The following LOXL4 variants were observed in gnomAD, a reference collection of about 807,000 sequenced individuals.
LOXL4 encodes lysyl oxidase homolog 4.
A neutral mutation model predicts 89.1 loss-of-function variants in LOXL4; 72 were observed. The observed-to-expected ratio is 0.81, with a 90% CI of 0.67 to 0.98. The LOEUF (loss-of-function observed/expected upper bound fraction) is 0.98. Among genes scored for constraint, LOXL4 ranks in the 50% least tolerant of loss-of-function variants. The pLI, the probability that LOXL4 is intolerant of heterozygous loss-of-function variation, is 0.00. For synonymous variants in LOXL4, 355 were observed against 392.1 expected, an observed-to-expected ratio of 0.91 and a Z score of 1.12; for missense variants, 984 against 1,017.5, an observed-to-expected ratio of 0.97 and a Z score of 0.45.
intron 11 of LOXL4, 45 bp from the exon 12 acceptor site, chr10:98,252,513 G>T: frequency 7.2e-7 from 1 of 1,382,328 alleles, no homozygotes; most frequent in Non-Finnish European, 1.0e-6. Flanking sequence ...ACAGGAGAGG[G>T]TCCTCTCTGG....
At chr10:98,265,100 T>C (rs1251095319) in intron 1 of LOXL4, among the ~76,000 whole-genome samples, 2 of 152,160 alleles carry the variant, frequency 1.3e-5, no homozygotes, top group African/African-American at 4.8e-5. Context: ...GGTGTGTAGG[T>C]GGCACTCATT....
At chr10:98,252,008 C>T (rs1358550562) in intron 12 of LOXL4, 2 of 483,732 alleles carry the variant, frequency 4.1e-6, no homozygotes, top group African/African-American at 3.9e-5. Context: ...TCAGTGTTTA[C>T]CATGCAGTTC....
chr10:98,266,712 T>C (rs1858695937), intron 1 of LOXL4, among the ~76,000 whole-genome samples: 1 of 151,900 alleles, frequency 6.6e-6, no homozygotes. Context: ...ATAGCCTTCG[T>C]CTCCCAGCCT....
At chr10:98,255,789 C>T (rs1053125088) in intron 9 of LOXL4, 50 bp from the exon 10 acceptor site, 23 of 1,578,196 alleles carry the variant, frequency 1.5e-5, no homozygotes, top group Non-Finnish European at 1.9e-5. Flanking sequence ...GGAGTCACCT[C>T]CTGACTCCCA....
chr10:98,259,173 C>G lies in LOXL4; in HGVS notation c.757G>C (p.Gly253Arg), dbSNP rs1352310318. Residue 253 changes from glycine (G) to arginine (R), a missense_variant, in exon 6 of 15, where the codon GGG becomes CGG. By Grantham distance (125) the Gly-to-Arg change is moderately radical. Coordinates refer to ENST00000260702, the MANE Select transcript of LOXL4 (RefSeq NM_032211.7). Reference protein sequence around the residue: ...SFWIHQVTCLGTEPHMANCQV... With the variant: ...SFWIHQVTCLRTEPHMANCQV... Reference sequence around the variant, plus strand: ...CAGTTGGCCATGTGGGGCTCTGTCCCCAGGCAGGTGACCTGGTGGATCCAG... The same window carrying G: ...CAGTTGGCCATGTGGGGCTCTGTCCGCAGGCAGGTGACCTGGTGGATCCAG... 6.2e-7 allele frequency: 1 copy of G among 1,612,268 alleles called. No individual in the cohort carries two copies. The highest frequency in any genetic ancestry group is 8.5e-7 in the Non-Finnish European group (1 of 1,179,850).
chr10:98,250,365 C>A (rs891631035), intron 14 of LOXL4, among the ~76,000 whole-genome samples: 1 of 152,226 alleles, frequency 6.6e-6, no homozygotes, highest in African/African-American at 2.4e-5. Flanking sequence ...CTGACACTTA[C>A]ATTCCCAGTT....
chr10:98,266,968 C>T (rs59210719), intron 1 of LOXL4, among the ~76,000 whole-genome samples: 6,740 of 152,072 alleles, frequency 0.044, 512 homozygotes, highest in African/African-American at 0.15. Flanking sequence ...CGAAAGTGGC[C>T]GTTACTTTCC....
chr10:98,257,546 G>T (rs1424680578), intron 8 of LOXL4, 104 bp downstream of exon 8: 1 of 1,370,572 alleles, frequency 7.3e-7, no homozygotes, highest in African/African-American at 1.4e-5. Context: ...AGAAGCGCTA[G>T]CCGCTCCTCC....
At chr10:98,253,940 T>C (rs1193500098) in intron 10 of LOXL4, 144 bp from the exon 11 acceptor site, 23 of 995,802 alleles carry the variant, frequency 2.3e-5, no homozygotes, top group Non-Finnish European at 3.4e-5. Context: ...AGTCAGGAGA[T>C]GGTGAGTTCT....
chr10:98,248,160 G>T lies in LOXL4; in HGVS notation c.*761C>A, dbSNP rs1229976314. 1.3e-5 allele frequency: 2 copies of T among 152,206 alleles called. No individual in the cohort carries two copies. Among genetic ancestry groups the T allele is most frequent in the Admixed American group, 6.5e-5 (1 of 15,274 alleles). The allele number at this position is 152,206 out of a possible 1,614,324, so 9.4% of individuals were successfully genotyped here. ...GGCAGAGGCCCTGACAGGGGCTGGG[G>T]TCCGTGTTACCTCAGCAGTCTTTCT... is the stretch of plus-strand genomic sequence containing the variant. On this transcript the variant is annotated 3_prime_UTR_variant, in exon 15 of 15. Transcript: ENST00000260702.
Position 98,265,407 on chromosome 10 carries a change from T to G in LOXL4, c.-32-2356A>C, listed in dbSNP as rs1376035760. Among the ~76,000 whole-genome samples, 3 of 68,544 alleles carry G rather than the reference T, an allele frequency of 4.4e-5. 1 individual carries two copies. Among genetic ancestry groups the G allele is most frequent in the African/African-American group, 1.0e-4 (2 of 19,280 alleles). The allele number at this position is 68,544 out of a possible 152,430, so 45.0% of individuals were successfully genotyped here. A position where few individuals can be genotyped will look rare whatever the true frequency, so the allele number is the denominator to read the frequency against. On this transcript the variant is annotated intron_variant, in intron 1 of 14. Transcript: ENST00000260702. ...ATTATTATTATTATTATTATTATTA[T>G]TATTATTATTTTTGAGACAGATTTT...
chr10:98,266,182 C>A (rs1858681202), intron 1 of LOXL4, among the ~76,000 whole-genome samples: 1 of 152,210 alleles, frequency 6.6e-6, no homozygotes, highest in African/African-American at 2.4e-5. Context: ...CCTCAGGTCC[C>A]TCAGCTATTA....
rs1564761685 is a variant in LOXL4, at chr10:98,262,175, CTG to C, written c.314_315del (p.Thr105ArgfsTer10). Reference sequence around the variant, plus strand: ...GACCCGCACTGGTCCAAGGAGCTCTCTGTGCCCACACAGCGCACATTGTCCAG... The same window carrying C: ...GACCCGCACTGGTCCAAGGAGCTCTCTGCCCACACAGCGCACATTGTCCAG... Reference protein sequence around the residue: ...IWLDNVRCVGTESSLDQCGSN... With the variant: ...IWLDNVRCVGXESSLDQCGSN... On this transcript the variant is annotated frameshift_variant, in exon 3 of 15. Transcript: ENST00000260702. LOFTEE classifies it high-confidence loss of function. 5 of 1,613,704 alleles carry C rather than the reference CTG, an allele frequency of 3.1e-6. No individual in the cohort carries two copies. In the South Asian group the frequency reaches 5.5e-5, roughly 18 times the overall value.
At chr10:98,257,434 T>A (rs543142220) in intron 8 of LOXL4, among the ~76,000 whole-genome samples, 180 of 152,026 alleles carry the variant, frequency 1.2e-3, no homozygotes, top group Non-Finnish European at 2.0e-3. Flanking sequence ...CCGAGACGGG[T>A]ATGGGAGAGC....
At chr10:98,252,155 G>A (rs187326950) in intron 12 of LOXL4, 198 bp downstream of exon 12, 18 of 569,160 alleles carry the variant, frequency 3.2e-5, no homozygotes, top group South Asian at 2.1e-4. Flanking sequence ...AGAACAATGC[G>A]TGGGGAATTC....
chr10:98,251,231 G>GACTGTGGCTGTGATAATCCTT, intron 13 of LOXL4, 55 bp from the exon 14 acceptor site: 1 of 1,281,788 alleles, frequency 7.8e-7, no homozygotes, highest in South Asian at 1.2e-5. Flanking sequence ...TGAATGAGTT[G>GACTGTGGCTGTGATAATCCTT]ACTGTGGCTG....
Position 98,257,728 on chromosome 10 carries a change from T to C in LOXL4, c.1182A>G (p.Glu394=). ...CATGTTGGCAACCATTCTGGGACCCTTCCAGGGCAGGGCAGTCGCTGAGGG... is the reference window on the plus strand; with the variant it reads ...CATGTTGGCAACCATTCTGGGACCCCTCCAGGGCAGGGCAGTCGCTGAGGG... ...ERTLSDCPAL[E]GSQNGCQHEN... is the part of the protein sequence containing the mutation. Residue 394 remains glutamate (E), a synonymous_variant, in exon 8 of 15, where the codon GAA becomes GAG. Transcript: ENST00000260702. 1 of 1,614,090 alleles carries C rather than the reference T, an allele frequency of 6.2e-7. No homozygotes were observed. The highest frequency in any genetic ancestry group is 8.5e-7 in the Non-Finnish European group (1 of 1,179,988).
At position 98,257,832 on chromosome 10, in the gene LOXL4, G is replaced by A. The variant is rs184761875; in HGVS notation, c.1106-28C>T. The A allele has an allele frequency of 1.9e-4, 303 of 1,600,372 alleles. 3 individuals are homozygous for A. The highest frequency in any genetic ancestry group is 1.4e-3 in the African/African-American group (108 of 74,722). On this transcript the variant is annotated intron_variant, in intron 7 of 14. Transcript: ENST00000260702. ...AGATGGGGAGAGAGGTGCTGTGTGC[G>A]AGGCTCCATCTCCGTAACCCCACAC...
At chr10:98,261,964 C>G (rs370738611) in intron 3 of LOXL4, 71 bp downstream of exon 3, 1 of 1,458,282 alleles carries the variant, frequency 6.9e-7, no homozygotes, top group Non-Finnish European at 9.1e-7. Flanking sequence ...CCTCTAGGCC[C>G]GTCTTCTGGG....
Sources: allele counts gnomAD v4.1 joint callset (sites outside exome capture counted in the v4.1 genomes callset), GRCh38; gene constraint gnomAD v4.1.1; transcripts MANE v1.5; gene names NCBI Gene and HGNC (gene_info 2026-07-23, HGNC 2026-07-21).